SYNE1: variants seen among roughly 807,000 people sequenced by gnomAD.
The protein encoded by SYNE1 is spectrin repeat containing nuclear envelope protein 1.
A neutral mutation model predicts 1,111.0 loss-of-function variants in SYNE1; 616 were observed. That is an observed-to-expected ratio of 0.55 (90% CI 0.52 to 0.59). SYNE1 has a LOEUF of 0.59. Among genes scored for constraint, SYNE1 ranks in the 20% least tolerant of loss-of-function variants. The probability of loss-of-function intolerance (pLI) is 0.00; values close to 1 mark genes in which losing one functional copy is unlikely to be tolerated. For synonymous variants in SYNE1, 3,855 were observed against 3,825.8 expected, an observed-to-expected ratio of 1.01 and a Z score of -0.28; for missense variants, 10,006 against 10,417.0, an observed-to-expected ratio of 0.96 and a Z score of 1.72.
intron 41 of SYNE1, among the ~76,000 whole-genome samples, chr6:152,414,289 G>C (rs1428079899): frequency 6.6e-6 from 1 of 151,942 alleles, no homozygotes; most frequent in Admixed American, 6.6e-5. Context: ...CATGTGTATA[G>C]TCTCAGCTAT....
At chr6:152,329,469 G>A (rs2096186692) in intron 78 of SYNE1, among the ~76,000 whole-genome samples, 2 of 152,236 alleles carry the variant, frequency 1.3e-5, no homozygotes, top group African/African-American at 2.4e-5. Flanking sequence ...GGAGGTTGCA[G>A]TAAGCCGAGA....
At chr6:152,634,885 G>A (rs2099703620) in intron 2 of SYNE1, among the ~76,000 whole-genome samples, 1 of 152,216 alleles carries the variant, frequency 6.6e-6, no homozygotes, top group South Asian at 2.1e-4. Flanking sequence ...CATTTAAGAG[G>A]AGACACACAG....
At chr6:152,368,681 CAT>C (rs1448000224) in intron 61 of SYNE1, 2 of 357,674 alleles carry the variant, frequency 5.6e-6, no homozygotes, top group African/African-American at 2.1e-5. Flanking sequence ...CCCTGGGAAA[CAT>C]ATCATTTCAG....
At chr6:152,591,095 C>T (rs2099560425) in intron 3 of SYNE1, among the ~76,000 whole-genome samples, 1 of 152,108 alleles carries the variant, frequency 6.6e-6, no homozygotes, top group Non-Finnish European at 1.5e-5. Flanking sequence ...TTTTAGAGAT[C>T]TTTAACCTCT....
chr6:152,183,438 T>C (rs568563858), intron 128 of SYNE1, among the ~76,000 whole-genome samples: 1 of 151,912 alleles, frequency 6.6e-6, no homozygotes, highest in South Asian at 2.1e-4. Context: ...CCACCTCTAC[T>C]AAAAAAACAA....
At chr6:152,412,324 T>A (rs1159336653) in intron 42 of SYNE1, among the ~76,000 whole-genome samples, 1 of 150,794 alleles carries the variant, frequency 6.6e-6, no homozygotes, top group Non-Finnish European at 1.5e-5. Flanking sequence ...CTCGGGAGGC[T>A]GAGGCAGGAG....
chr6:152,632,646 G>T (rs2099699833), intron 2 of SYNE1, among the ~76,000 whole-genome samples: 1 of 152,172 alleles, frequency 6.6e-6, no homozygotes, highest in Non-Finnish European at 1.5e-5. Flanking sequence ...ATCTAAGAAA[G>T]ACCTGGAGCT....
In SYNE1 at chr6:152,268,083, G is replaced by A. The variant is rs141196768; in HGVS notation, c.18788C>T (p.Ser6263Leu). ...AGCATCACCAGAGGTCTCTGCCGCC[G>A]AATGTTGAATTAGAATCTCCTCTCC... ...SRGEEILIQH[S>L]AAETSGDAGE... The change falls in exon 100 of 146, where the codon TCG becomes TTG. Residue 6263 changes from serine to leucine, a missense_variant. By Grantham distance (145) the Ser-to-Leu change is moderately radical. Around this residue, in one of 7 missense-constraint regions of SYNE1, gnomAD observed 2,182 missense variants for 2,287.8 expected, o/e 0.95. Transcript: ENST00000367255. 62 of 1,613,966 alleles carry A rather than the reference G, an allele frequency of 3.8e-5. No individual in the cohort carries two copies. In the South Asian group the frequency reaches 5.2e-4, roughly 13 times the overall value.
At chr6:152,401,002 C>T (rs1591932748) in intron 47 of SYNE1, 136 bp downstream of exon 47, 1 of 802,602 alleles carries the variant, frequency 1.2e-6, no homozygotes, top group South Asian at 1.6e-5. Flanking sequence ...TTGCTGTGTT[C>T]AATGTCATAA....
intron 5 of SYNE1, among the ~76,000 whole-genome samples, chr6:152,523,072 T>C (rs2099147631): frequency 6.6e-6 from 1 of 152,058 alleles, no homozygotes; most frequent in Admixed American, 6.6e-5. Context: ...TCCATTTATC[T>C]ATTTCTATTT....
At chr6:152,170,336 A>G (rs1051483188) in intron 130 of SYNE1, among the ~76,000 whole-genome samples, 1 of 152,248 alleles carries the variant, frequency 6.6e-6, no homozygotes, top group Non-Finnish European at 1.5e-5. Flanking sequence ...AGACTGGCAT[A>G]GACATTGTTT....
At chr6:152,450,983 T>G (rs1485363402) in intron 26 of SYNE1, 64 bp downstream of exon 26, 1 of 1,610,212 alleles carries the variant, frequency 6.2e-7, no homozygotes, top group African/African-American at 1.3e-5. Flanking sequence ...AAAATATTAG[T>G]AATATCCTTT....
At chr6:152,536,339 A>G (rs9384007) in intron 4 of SYNE1, among the ~76,000 whole-genome samples, 35,123 of 137,144 alleles carry the variant, frequency 0.26, 5,407 homozygotes, top group East Asian at 0.45. Context: ...TAATATATAT[A>G]TATAACTATA....
intron 104 of SYNE1, among the ~76,000 whole-genome samples, chr6:152,251,118 T>G (rs1274140607): frequency 2.0e-5 from 3 of 151,972 alleles, no homozygotes; most frequent in Non-Finnish European, 4.4e-5. Flanking sequence ...TCTGGCTAAT[T>G]TTTTGTATTT....
At chr6:152,578,816 C>T (rs1160154286) in intron 3 of SYNE1, among the ~76,000 whole-genome samples, 1 of 152,038 alleles carries the variant, frequency 6.6e-6, no homozygotes, top group Admixed American at 6.6e-5. Context: ...TTTTATATGA[C>T]TGTCACTTCT....
intron 63 of SYNE1, among the ~76,000 whole-genome samples, chr6:152,364,067 T>A (rs1427660488): frequency 6.6e-6 from 1 of 152,130 alleles, no homozygotes; most frequent in Non-Finnish European, 1.5e-5. Context: ...TGGGGGTGGT[T>A]TCCCCCATGC....
In SYNE1 at chr6:152,318,254, C is replaced by T. The variant is rs1256954235; in HGVS notation, c.16399G>A (p.Glu5467Lys). ...TTTGAATTACAGCCATCTAATTCCT[C>T]TCCCAGCACCTTGATGGTCACCAAA... ...QAKTDQKVLG[E>K]ELDGCNSKLM... Residue 5467 changes from glutamate to lysine, a missense_variant, in exon 86 of 146, where the codon GAG becomes AAG. Coordinates refer to ENST00000367255, the MANE Select transcript of SYNE1 (RefSeq NM_182961.4). 1.9e-6 allele frequency: 3 copies of T among 1,614,056 alleles called. No individual in the cohort carries two copies. The highest frequency in any genetic ancestry group is 2.5e-6 in the Non-Finnish European group (3 of 1,180,040).
intron 98 of SYNE1, among the ~76,000 whole-genome samples, chr6:152,275,424 A>G (rs1385875994): frequency 6.6e-6 from 1 of 152,202 alleles, no homozygotes; most frequent in Admixed American, 6.5e-5. Context: ...TTACAGAGTG[A>G]GTCATATTTT....
chr6:152,411,687 G>T (rs2098047460), intron 42 of SYNE1, among the ~76,000 whole-genome samples: 1 of 150,984 alleles, frequency 6.6e-6, no homozygotes, highest in Non-Finnish European at 1.5e-5. Flanking sequence ...AGTTAGTCCT[G>T]CTCCACAAGG....
Sources: gnomAD v4.1 joint callset for allele counts (sites outside exome capture counted in the v4.1 genomes callset) on GRCh38, gnomAD v4.1.1 for gene constraint, gnomAD v4.1.1 regional missense constraint, MANE v1.5 for transcripts, NCBI Gene and HGNC (gene_info 2026-07-23, HGNC 2026-07-21) for gene names.